SEC14L5: variants seen among roughly 807,000 people sequenced by gnomAD.
SEC14L5 encodes the protein SEC14 like lipid binding 5.
Under a neutral mutation model 84.6 loss-of-function variants are expected in SEC14L5, and 96 were observed. The ratio of observed to expected loss-of-function variants is 1.13; its 90% CI spans 0.96 to 1.34. The LOEUF (loss-of-function observed/expected upper bound fraction) is 1.34. Among genes scored for constraint, SEC14L5 ranks in the 40% most tolerant of loss-of-function variants. The pLI, the probability that SEC14L5 is intolerant of heterozygous loss-of-function variation, is 0.00. For synonymous variants in SEC14L5, 546 were observed against 383.4 expected (o/e 1.42, Z -4.95); for missense variants, 1,224 against 942.5 (o/e 1.30, Z -3.91).
chr16:4,964,481 G>A (rs538618333), intron 2 of SEC14L5, among the ~76,000 whole-genome samples: 1 of 152,174 alleles, frequency 6.6e-6, no homozygotes, highest in Admixed American at 6.5e-5. Flanking sequence ...AGCTAGTCGG[G>A]AGGCTGAGGC....
intron 13 of SEC14L5, 125 bp downstream of exon 13, chr16:5,007,611 T>G: frequency 1.2e-6 from 1 of 822,748 alleles, no homozygotes; most frequent in African/African-American, 1.8e-5. Flanking sequence ...TCTTTCTTTT[T>G]TTTTTTTTTT....
At chr16:4,963,819 A>G (rs2089405) in intron 2 of SEC14L5, among the ~76,000 whole-genome samples, 89,002 of 151,940 alleles carry the variant, frequency 0.59, 27,191 homozygotes, top group East Asian at 0.79. Context: ...GCACCACCAT[A>G]CCCGGCTAGT....
At chr16:5,013,182 T>G (rs556376658) in intron 15 of SEC14L5, among the ~76,000 whole-genome samples, 1 of 151,950 alleles carries the variant, frequency 6.6e-6, no homozygotes, top group African/African-American at 2.4e-5. Flanking sequence ...GATTACAATT[T>G]GAGATGAGAT....
chr16:5,001,405 C>T (rs904172679), intron 10 of SEC14L5, among the ~76,000 whole-genome samples: 24 of 151,950 alleles, frequency 1.6e-4, no homozygotes, highest in Non-Finnish European at 1.5e-4. Flanking sequence ...ACTACAGGCA[C>T]CCGCCACCAC....
At chr16:4,970,683 C>G (rs1240314109) in intron 2 of SEC14L5, among the ~76,000 whole-genome samples, 2 of 152,160 alleles carry the variant, frequency 1.3e-5, no homozygotes, top group Non-Finnish European at 2.9e-5. Context: ...GGTTTGTGCA[C>G]ACATGGGTGG....
intron 15 of SEC14L5, among the ~76,000 whole-genome samples, chr16:5,012,974 G>A (rs898939015): frequency 6.6e-6 from 1 of 151,818 alleles, no homozygotes; most frequent in Non-Finnish European, 1.5e-5. Flanking sequence ...TCACGGTTCT[G>A]CATGACTGGG....
chr16:4,963,758 A>G (rs1050815921), intron 2 of SEC14L5, among the ~76,000 whole-genome samples: 3 of 152,360 alleles, frequency 2.0e-5, no homozygotes, highest in South Asian at 2.1e-4. Context: ...GGCTCAAGCC[A>G]TCCTCCTGCC....
chr16:4,967,408 A>AG (rs1306697806), intron 2 of SEC14L5, among the ~76,000 whole-genome samples: 1 of 152,026 alleles, frequency 6.6e-6, no homozygotes, highest in East Asian at 1.9e-4. Context: ...TCTCCAAATG[A>AG]GGTCACATTT....
At chr16:4,990,716 C>T (rs3743845) in intron 4 of SEC14L5, 51 bp from the exon 5 acceptor site, 429,590 of 1,546,210 alleles carry the variant, frequency 0.28, 62,652 homozygotes, top group Admixed American at 0.29. Flanking sequence ...TAGGGGAGGG[C>T]AGGGTGCCCC....
In SEC14L5 at chr16:5,006,067, C is replaced by G. The variant is rs775800153; in HGVS notation, c.1437+19C>G. ...GAGTGTGGTGAGGCTTCCATGTCCACAGACAGACCTGGGCTTGAGGAGGGG... is the reference window on the plus strand; with the variant it reads ...GAGTGTGGTGAGGCTTCCATGTCCAGAGACAGACCTGGGCTTGAGGAGGGG... On this transcript the variant is annotated intron_variant, in intron 12 of 15. Coordinates refer to ENST00000251170, the MANE Select transcript of SEC14L5 (RefSeq NM_014692.2). The G allele has an allele frequency of 3.0e-5, 49 of 1,612,254 alleles. No homozygotes were observed. Among genetic ancestry groups the G allele is most frequent in the Non-Finnish European group, 4.2e-5 (49 of 1,179,048 alleles).
intron 15 of SEC14L5, 60 bp downstream of exon 15, chr16:5,011,333 C>CAGAT: frequency 6.6e-7 from 1 of 1,526,052 alleles, no homozygotes; most frequent in East Asian, 2.3e-5. Context: ...ATTGACAATG[C>CAGAT]AGATGCCTGG....
chr16:5,012,824 G>T (rs1265085117), intron 15 of SEC14L5, among the ~76,000 whole-genome samples: 2 of 152,122 alleles, frequency 1.3e-5, no homozygotes, highest in Non-Finnish European at 2.9e-5. Context: ...GAACCCAGGA[G>T]GTGGAGATTG....
intron 14 of SEC14L5, among the ~76,000 whole-genome samples, chr16:5,008,976 G>T (rs565175647): frequency 6.6e-6 from 1 of 152,326 alleles, no homozygotes; most frequent in African/African-American, 2.4e-5. Context: ...TTTGTTTCTT[G>T]GGGCTGCAGT....
intron 7 of SEC14L5, 63 bp from the exon 8 acceptor site, chr16:4,996,792 G>C: frequency 2.2e-6 from 3 of 1,350,030 alleles, no homozygotes; most frequent in East Asian, 4.7e-5. Context: ...GGCTGGTTCT[G>C]TAATTTTATC....
At chr16:5,013,015 A>C (rs1955823994) in intron 15 of SEC14L5, among the ~76,000 whole-genome samples, 2 of 152,046 alleles carry the variant, frequency 1.3e-5, no homozygotes, top group South Asian at 4.1e-4. Context: ...ATCATGGCGG[A>C]AGGCAAAGGG....
At chr16:5,000,785 G>A (rs774668841) in intron 9 of SEC14L5, 42 bp downstream of exon 9, 12 of 1,557,052 alleles carry the variant, frequency 7.7e-6, no homozygotes, top group South Asian at 2.4e-5. Flanking sequence ...GCCTGGGGCC[G>A]GGCCTGGGAA....
chr16:4,980,392 C>G (rs1596622129), intron 2 of SEC14L5, among the ~76,000 whole-genome samples: 1 of 152,118 alleles, frequency 6.6e-6, no homozygotes, highest in Non-Finnish European at 1.5e-5. Flanking sequence ...ACCAGCCTCC[C>G]CTCCGTGCCT....
intron 2 of SEC14L5, among the ~76,000 whole-genome samples, chr16:4,985,416 C>T (rs1955473901): frequency 6.6e-6 from 1 of 151,990 alleles, no homozygotes. Flanking sequence ...TTAGGAGAGA[C>T]AGGGTTTCAC....
In SEC14L5 at chr16:4,981,532, G is replaced by T. The variant is rs890653559; in HGVS notation, c.64-6025G>T. On this transcript the variant is annotated intron_variant, in intron 2 of 15. Transcript: ENST00000251170. ...GGGGTGGTGTGGCCGCTGCCTGGCA[G>T]GATTCTGAAGGACAGAGGGTGGAAA... is the stretch of plus-strand genomic sequence containing the variant. Among the ~76,000 whole-genome samples, 3 of 152,244 alleles carry T rather than the reference G, an allele frequency of 2.0e-5. No individual in the cohort carries two copies. The South Asian group carries it at 6.2e-4, about 32-fold the overall frequency.
Sources: allele counts gnomAD v4.1 joint callset (sites outside exome capture counted in the v4.1 genomes callset), GRCh38; gene constraint gnomAD v4.1.1; transcripts MANE v1.5; gene names NCBI Gene and HGNC (gene_info 2026-07-23, HGNC 2026-07-21).